Variants in INCENP observed in about 807,000 individuals in gnomAD.
INCENP encodes inner centromere protein, also known as binds and activates aurora-B and -C in vivo and in vitro.
In INCENP, 43 loss-of-function variants were observed where a neutral mutation model predicts 107.3. The ratio of observed to expected loss-of-function variants is 0.40; its 90% CI spans 0.31 to 0.52. The LOEUF is 0.52. INCENP is among the 20% of genes least tolerant of loss of function. INCENP has a pLI of 0.53. For missense variants in INCENP, 1,089 were observed against 1,250.9 expected, an observed-to-expected ratio of 0.87 and a Z score of 1.95; for synonymous variants, 488 against 494.4, an observed-to-expected ratio of 0.99 and a Z score of 0.17.
At chr11:62,133,780 C>T (rs1418332894) in intron 4 of INCENP, among the ~76,000 whole-genome samples, 1 of 152,156 alleles carries the variant, frequency 6.6e-6, no homozygotes, top group Non-Finnish European at 1.5e-5. Flanking sequence ...GTCATCACCA[C>T]CCATGACTGT....
chr11:62,130,255 C>T lies in INCENP; in HGVS notation c.728C>T (p.Pro243Leu). 1.9e-6 allele frequency: 3 copies of T among 1,613,542 alleles called. No homozygotes were observed. The highest frequency in any genetic ancestry group is 2.5e-6 in the Non-Finnish European group (3 of 1,180,030). The change falls in exon 4 of 19, where the codon CCC (proline) becomes CTC (leucine). Residue 243 changes from proline to leucine, a missense_variant. Physicochemically the swap from Pro to Leu is moderately conservative, Grantham distance 98. Transcript: ENST00000394818. ...VSSLMATPQD[P>L]KGQGVGTGRS... ...TCCCTGATGGCTACACCCCAGGACCCCAAGGGTCAAGGGGTCGGGACGGGG... is the reference window on the plus strand; with the variant it reads ...TCCCTGATGGCTACACCCCAGGACCTCAAGGGTCAAGGGGTCGGGACGGGG...
rs1236002435 is a variant in INCENP, at chr11:62,140,579, T to C, written c.1344-125T>C. ...GGGCAGCAGAGGGTTGCTTAGGCTC[T>C]GCAGCCTCTTTCAGTCTAGAGGCCT... On this transcript the variant is annotated intron_variant, in intron 8 of 18. Coordinates refer to ENST00000394818, the MANE Select transcript of INCENP (RefSeq NM_001040694.2). 4.9e-6 allele frequency: 4 copies of C among 819,106 alleles called. No homozygotes were observed. The African/African-American group carries it at 6.8e-5, about 14-fold the overall frequency. 50.7% of individuals were successfully genotyped at this position (819,106 alleles called of 1,614,324 possible).
chr11:62,140,158 C>CA, intron 7 of INCENP, 76 bp from the exon 8 acceptor site: 2 of 1,326,624 alleles, frequency 1.5e-6, no homozygotes, highest in South Asian at 2.4e-5. Context: ...CCAAGGACCC[C>CA]TTCCCCCTAC....
At chr11:62,148,593 C>T in intron 16 of INCENP, 39 bp downstream of exon 16, 1 of 1,572,898 alleles carries the variant, frequency 6.4e-7, no homozygotes, top group South Asian at 1.2e-5. Context: ...TGGGGTCTGC[C>T]CTGAGCTGTG....
At chr11:62,141,420 C>T (rs1590621018) in intron 10 of INCENP, 80 bp from the exon 11 acceptor site, 10 of 1,591,992 alleles carry the variant, frequency 6.3e-6, no homozygotes, top group Non-Finnish European at 8.6e-6. Context: ...CTTGCTGGCA[C>T]AGCTGGGCAT....
At chr11:62,140,850 G>A in intron 9 of INCENP, 29 bp downstream of exon 9, 1 of 1,613,688 alleles carries the variant, frequency 6.2e-7, no homozygotes, top group Non-Finnish European at 8.5e-7. Context: ...CTCTCCTGGA[G>A]CCCTGACCCC....
intron 4 of INCENP, among the ~76,000 whole-genome samples, chr11:62,131,809 G>T (rs186574038): frequency 6.6e-6 from 1 of 151,606 alleles, no homozygotes; most frequent in Admixed American, 6.6e-5. Context: ...ACAGAGTCTC[G>T]CTCTGTTGCC....
At position 62,151,858 on chromosome 11, in the gene INCENP, T is replaced by C; in HGVS notation, c.2639T>C (p.Ile880Thr). The change falls in exon 19 of 19, where the codon ATC becomes ACC. Residue 880 changes from isoleucine (I) to threonine (T), a missense_variant. Coordinates refer to ENST00000394818, the MANE Select transcript of INCENP (RefSeq NM_001040694.2). ...ATTCTCCCACTGGACTTGGAGGATA[T>C]CTTCAAGAAGAGCAAGCCCCGCTAT... The part of the protein sequence containing the change: ...GTILPLDLED[I>T]FKKSKPRYHK... 2.5e-6 allele frequency: 4 copies of C among 1,614,146 alleles called. No individual in the cohort carries two copies. The highest frequency in any genetic ancestry group is 3.4e-6 in the Non-Finnish European group (4 of 1,179,998).
At chr11:62,145,566 G>A in intron 13 of INCENP, 63 bp from the exon 14 acceptor site, 6 of 1,537,446 alleles carry the variant, frequency 3.9e-6, no homozygotes, top group Non-Finnish European at 5.3e-6. Flanking sequence ...ACACAGTTCT[G>A]GGCTCCACTC....
rs1565101576 is a variant in INCENP at position 62,146,788 on chromosome 11, G to GGCGGGAGCAGGAGCA, written c.2093_2094insGGAGCAGGAGCAGCG (p.Glu701_Arg702insGlnArgGluGlnGlu). On this transcript the variant is annotated inframe_insertion, in exon 15 of 19. Coordinates refer to ENST00000394818, the MANE Select transcript of INCENP (RefSeq NM_001040694.2). ...GAGCAGGAGCGGCGGGAGCAGGAGC[G>GGCGGGAGCAGGAGCA]GCGCGAGCAGGAGCGGCGCGAGCAG... The GGCGGGAGCAGGAGCA allele has an allele frequency of 2.6e-6, 4 of 1,534,430 alleles. No individual in the cohort carries two copies. The highest frequency in any genetic ancestry group is 2.6e-6 in the Non-Finnish European group (3 of 1,137,924).
chr11:62,150,800 A>G (rs1289515177), intron 18 of INCENP, among the ~76,000 whole-genome samples: 4 of 152,200 alleles, frequency 2.6e-5, no homozygotes, highest in African/African-American at 9.6e-5. Context: ...GGTAGGTGCT[A>G]GAAGTGGGTG....
rs1273051092 is a variant in INCENP, at chr11:62,125,055, GTGT to G, written c.-12+895_-12+897del. On this transcript the variant is annotated intron_variant, in intron 1 of 18. Coordinates refer to ENST00000394818, the MANE Select transcript of INCENP (RefSeq NM_001040694.2). ...CAGTCTGGTGTATGGTGTGGAAGAA[GTGT>G]TGGAGAGGAGGAAGACTGGAGAGTG... Among the ~76,000 whole-genome samples the G allele has an allele frequency of 8.5e-5, 13 of 152,354 alleles. No individual in the cohort carries two copies. The South Asian group carries it at 2.5e-3, about 29-fold the overall frequency.
intron 4 of INCENP, among the ~76,000 whole-genome samples, chr11:62,133,614 GT>G (rs1310410653): frequency 3.3e-5 from 5 of 152,190 alleles, no homozygotes; most frequent in Non-Finnish European, 1.5e-5. Flanking sequence ...CCTGAATGTC[GT>G]GCAGATGGCA....
chr11:62,130,620 G>A (rs754188724), intron 4 of INCENP, 30 bp downstream of exon 4: 1 of 1,579,112 alleles, frequency 6.3e-7, no homozygotes, highest in East Asian at 2.2e-5. Context: ...AGTGGCGGGT[G>A]GTCCTTGGTG....
rs776291533 is a variant in INCENP, at chr11:62,141,512, G to C, written c.1605+1G>C. On this transcript the variant is annotated splice_donor_variant, in intron 11 of 18. Transcript: ENST00000394818. LOFTEE classifies it high-confidence loss of function. ...GTCTCCTCCACAGTGCAGCTTCGTC[G>C]TAAGTAAAGCCTTTTCCTGTCGGTA... is the stretch of plus-strand genomic sequence containing the variant. The C allele has an allele frequency of 6.2e-7, 1 of 1,614,022 alleles. No individual in the cohort carries two copies. Among genetic ancestry groups the C allele is most frequent in the Non-Finnish European group, 8.5e-7 (1 of 1,179,882 alleles).
Position 62,150,038 on chromosome 11 carries a change from G to C in INCENP, c.2392-19G>C. On this transcript the variant is annotated intron_variant, in intron 17 of 18. Coordinates refer to ENST00000394818, the MANE Select transcript of INCENP (RefSeq NM_001040694.2). ...GGGAATGCCATGGAGGGAACTGACG[G>C]CCACGTTTGTTTTTGCAGTCTCCAG... 6.2e-7 allele frequency: 1 copy of C among 1,612,336 alleles called. No individual in the cohort carries two copies. The highest frequency in any genetic ancestry group is 1.1e-5 in the South Asian group (1 of 90,968).
chr11:62,146,016 T>C (rs1187370054), intron 14 of INCENP, among the ~76,000 whole-genome samples: 2 of 152,240 alleles, frequency 1.3e-5, no homozygotes, highest in African/African-American at 4.8e-5. Flanking sequence ...ATTAGCTGTG[T>C]GACTTTCTAC....
chr11:62,134,571 A>G (rs1208367324), intron 4 of INCENP, among the ~76,000 whole-genome samples: 1 of 152,166 alleles, frequency 6.6e-6, no homozygotes, highest in Non-Finnish European at 1.5e-5. Flanking sequence ...ACATTATAAA[A>G]TGCAAGTACC....
chr11:62,135,330 C>T (rs1158266815), intron 4 of INCENP, among the ~76,000 whole-genome samples: 2 of 151,938 alleles, frequency 1.3e-5, no homozygotes, highest in African/African-American at 2.4e-5. Context: ...TGCAGTGGTG[C>T]GATCTCAGCT....
Sources: gnomAD v4.1 joint callset for allele counts (sites outside exome capture counted in the v4.1 genomes callset) on GRCh38, gnomAD v4.1.1 for gene constraint, MANE v1.5 for transcripts, NCBI Gene and HGNC (gene_info 2026-07-23, HGNC 2026-07-21) for gene names.